The following NR2F1-AS1 variants were observed in gnomAD, a reference collection of about 807,000 sequenced individuals.
NR2F1-AS1 encodes NR2F1 regulatory antisense RNA 1.
At chr5:93,544,212 GAAC>G (rs1198121931) in intron 4 of NR2F1-AS1, among the ~76,000 whole-genome samples, 1 of 151,978 alleles carries the variant, frequency 6.6e-6, no homozygotes, top group African/African-American at 2.4e-5. Flanking sequence ...ATTATATGAG[GAAC>G]CATAGATCAG....
intron 4 of NR2F1-AS1, among the ~76,000 whole-genome samples, chr5:93,446,102 T>A (rs1749699305): frequency 6.6e-6 from 1 of 152,114 alleles, no homozygotes. Context: ...TCATACTGAA[T>A]GGGAAAAAAC....
chr5:93,461,717 T>C (rs1466670291), intron 4 of NR2F1-AS1, among the ~76,000 whole-genome samples: 12 of 152,178 alleles, frequency 7.9e-5, no homozygotes, highest in Admixed American at 7.9e-4. Flanking sequence ...TTATGCCAAA[T>C]AAATATTGGA....
In NR2F1-AS1 at chr5:93,579,580, C is replaced by T. The variant is rs1001373328; in HGVS notation, n.313+887G>A. On this transcript the variant is annotated intron_variant and non_coding_transcript_variant, in intron 1 of 5. Transcript: ENST00000660523. This position sits in a 1 kb window ranked among gnomAD's most constrained non-coding sequence, Gnocchi z 5.1. ...CCAGCCCAGCTAGGCAAGGCCTCCT[C>T]GCTTCCGAGACCCCCCAGCCCCCGG... is the stretch of plus-strand genomic sequence containing the variant. Among the ~76,000 whole-genome samples the T allele has an allele frequency of 1.8e-4, 27 of 152,174 alleles. No homozygotes were observed. Among genetic ancestry groups the T allele is most frequent in the Admixed American group, 6.5e-4 (10 of 15,284 alleles).
intron 4 of NR2F1-AS1, among the ~76,000 whole-genome samples, chr5:93,458,927 G>T (rs150592912): frequency 6.6e-6 from 1 of 151,842 alleles, no homozygotes; most frequent in Non-Finnish European, 1.5e-5. Context: ...CAAGAGAATC[G>T]CTTGAACACA....
At chr5:93,546,923 TTA>T (rs1752100601) in intron 4 of NR2F1-AS1, among the ~76,000 whole-genome samples, 3 of 152,192 alleles carry the variant, frequency 2.0e-5, no homozygotes, top group Non-Finnish European at 2.9e-5. Flanking sequence ...GTAAAAGAGA[TTA>T]ACTTTTAATA....
chr5:93,508,640 T>C (rs1234623580), intron 4 of NR2F1-AS1, among the ~76,000 whole-genome samples: 1 of 151,618 alleles, frequency 6.6e-6, no homozygotes, highest in Non-Finnish European at 1.5e-5. Context: ...CCTCTATAAA[T>C]AGATACATCA....
At chr5:93,552,360 A>G (rs1459651081) in intron 4 of NR2F1-AS1, among the ~76,000 whole-genome samples, 1 of 152,202 alleles carries the variant, frequency 6.6e-6, no homozygotes, top group East Asian at 1.9e-4. Flanking sequence ...GAATGAAGCC[A>G]AAAGTGCAAA....
At chr5:93,542,468 A>C (rs973968393) in intron 4 of NR2F1-AS1, 1 of 152,158 alleles carries the variant, frequency 6.6e-6, no homozygotes, top group African/African-American at 2.4e-5. Flanking sequence ...TAGTTCCCCC[A>C]ACCCCAGTTC....
At chr5:93,582,944 T>G (rs1753142623), upstream of NR2F1-AS1, among the ~76,000 whole-genome samples, 1 of 146,474 alleles carries the variant, frequency 6.8e-6, no homozygotes. Context: ...TGTAGGTAGC[T>G]AAGCGGGGGG....
At chr5:93,499,327 A>T (rs913004088) in intron 4 of NR2F1-AS1, among the ~76,000 whole-genome samples, 1 of 152,092 alleles carries the variant, frequency 6.6e-6, no homozygotes, top group Non-Finnish European at 1.5e-5. Context: ...CAAACTGAAG[A>T]TTTGTGGCAA....
intron 4 of NR2F1-AS1, among the ~76,000 whole-genome samples, chr5:93,464,346 C>A (rs939577868): frequency 2.6e-5 from 4 of 152,100 alleles, no homozygotes; most frequent in South Asian, 2.1e-4. Flanking sequence ...CTAAATTGCC[C>A]AGTCTTGGGT....
chr5:93,556,210 C>T (rs1431848911), intron 2 of NR2F1-AS1, among the ~76,000 whole-genome samples: 1 of 152,146 alleles, frequency 6.6e-6, no homozygotes, highest in Non-Finnish European at 1.5e-5. Flanking sequence ...CACGCATTAC[C>T]TGCTCCATAC....
At chr5:93,512,420 G>C (rs1307879131) in intron 4 of NR2F1-AS1, among the ~76,000 whole-genome samples, 2 of 152,066 alleles carry the variant, frequency 1.3e-5, no homozygotes, top group Non-Finnish European at 2.9e-5. Context: ...TTTTTAAAAA[G>C]TTTATAAAGT....
chr5:93,464,330 T>C (rs978194539), intron 4 of NR2F1-AS1, among the ~76,000 whole-genome samples: 1 of 152,218 alleles, frequency 6.6e-6, no homozygotes, highest in African/African-American at 2.4e-5. Context: ...TAAATGTCTT[T>C]CTTTTCTAAA....
intron 1 of NR2F1-AS1, among the ~76,000 whole-genome samples, chr5:93,564,969 T>C (rs1262036532): frequency 6.6e-6 from 1 of 152,122 alleles, no homozygotes; most frequent in African/African-American, 2.4e-5. Context: ...TCCAGGCTAA[T>C]AGGGCTTCAG....
At chr5:93,553,776 G>A (rs1752285598) in exon 4 of NR2F1-AS1, 1 of 152,162 alleles carries the variant, frequency 6.6e-6, no homozygotes, top group Non-Finnish European at 1.5e-5. Context: ...ATAGAGATGA[G>A]CTGCAAGTTG....
chr5:93,521,834 C>T (rs1331276351), intron 4 of NR2F1-AS1, among the ~76,000 whole-genome samples: 2 of 152,148 alleles, frequency 1.3e-5, no homozygotes, highest in South Asian at 2.1e-4. Flanking sequence ...GCCTGCCATT[C>T]AACCCAGCAA....
intron 3 of NR2F1-AS1, chr5:93,554,736 G>T (rs543499324): frequency 1.3e-5 from 2 of 152,278 alleles, no homozygotes; most frequent in African/African-American, 4.8e-5. Flanking sequence ...TAACCTCAAA[G>T]AAATCACAAT....
chr5:93,457,826 T>A (rs1749985564), intron 4 of NR2F1-AS1, among the ~76,000 whole-genome samples: 1 of 152,156 alleles, frequency 6.6e-6, no homozygotes, highest in Non-Finnish European at 1.5e-5. Context: ...GATGGCAACT[T>A]CATCTGTTCT....
Sources: allele counts gnomAD v4.1 joint callset (sites outside exome capture counted in the v4.1 genomes callset), GRCh38; gene constraint gnomAD v4.1.1; non-coding constraint Gnocchi (gnomAD v3.1); transcripts MANE v1.5; gene names NCBI Gene and HGNC (gene_info 2026-07-23, HGNC 2026-07-21).